The following TCF4 variants were observed in gnomAD, a reference collection of about 807,000 sequenced individuals.
The protein encoded by TCF4 is SL3-3 enhancer factor 2.
TCF4 carries 3 observed loss-of-function variants against 82.1 expected under a neutral mutation model. The observed-to-expected ratio is 0.04, with a 90% CI of 0.02 to 0.09. TCF4 has a LOEUF of 0.09. Among genes scored for constraint, TCF4 ranks in the 10% least tolerant of loss-of-function variants. The pLI is 1.00. For missense variants in TCF4, 518 were observed against 852.7 expected, an observed-to-expected ratio of 0.61 and a Z score of 4.89; for synonymous variants, 276 against 309.6, an observed-to-expected ratio of 0.89 and a Z score of 1.14.
intron 6 of TCF4, among the ~76,000 whole-genome samples, chr18:55,391,811 G>A (rs2093125350): frequency 6.6e-6 from 1 of 150,846 alleles, no homozygotes; most frequent in African/African-American, 2.4e-5. Context: ...GGTGGCACAC[G>A]CCTGTAATCC....
intron 14 of TCF4, among the ~76,000 whole-genome samples, chr18:55,255,593 TG>T (rs1303152719): frequency 7.2e-5 from 11 of 152,182 alleles, no homozygotes; most frequent in Non-Finnish European, 1.3e-4. Context: ...TGATCAATAA[TG>T]ATATCAAATA....
At chr18:55,421,203 C>G (rs1177092402) in intron 5 of TCF4, among the ~76,000 whole-genome samples, 1 of 152,178 alleles carries the variant, frequency 6.6e-6, no homozygotes, top group Non-Finnish European at 1.5e-5. Context: ...TACACACATG[C>G]CTGTGTACAC....
At chr18:55,414,432 A>T (rs1181892211) in intron 5 of TCF4, among the ~76,000 whole-genome samples, 1 of 152,212 alleles carries the variant, frequency 6.6e-6, no homozygotes, top group Non-Finnish European at 1.5e-5. Flanking sequence ...ACAAATTAGA[A>T]AAATTTGCAA....
chr18:55,524,414 C>G (rs772345482), intron 3 of TCF4, among the ~76,000 whole-genome samples: 1 of 151,974 alleles, frequency 6.6e-6, no homozygotes, highest in Non-Finnish European at 1.5e-5. Context: ...AAACATTCTT[C>G]AAACATTAGA....
At chr18:55,394,907 T>A (rs944402296) in intron 6 of TCF4, among the ~76,000 whole-genome samples, 1 of 152,202 alleles carries the variant, frequency 6.6e-6, no homozygotes, top group Admixed American at 6.5e-5. Context: ...GTTATCACTA[T>A]CAGGCACGGC....
rs116121639 is a variant in TCF4, at chr18:55,303,961, A to T, written c.550-24305T>A. Among the ~76,000 whole-genome samples, 1,397 of 152,362 alleles carry T rather than the reference A, an allele frequency of 9.2e-3. 27 individuals are homozygous for T. The highest frequency in any genetic ancestry group is 0.032 in the African/African-American group (1,339 of 41,584). On this transcript the variant is annotated intron_variant, in intron 8 of 19. Coordinates refer to ENST00000354452, the MANE Select transcript of TCF4 (RefSeq NM_001083962.2). ...CTCTTCACTTCCAAAAAAGAAAGAAAGAATCTCATTTTCCTTTCTACGGTG... is the reference window on the plus strand; with the variant it reads ...CTCTTCACTTCCAAAAAAGAAAGAATGAATCTCATTTTCCTTTCTACGGTG...
At chr18:55,622,015 T>TTA (rs2097721403) in intron 2 of TCF4, among the ~76,000 whole-genome samples, 1 of 131,398 alleles carries the variant, frequency 7.6e-6, no homozygotes, top group Non-Finnish European at 1.5e-5. Flanking sequence ...ACTATATATA[T>TTA]TATATACACT....
chr18:55,262,843 G>A (rs2058326992), intron 11 of TCF4, among the ~76,000 whole-genome samples: 2 of 152,184 alleles, frequency 1.3e-5, no homozygotes, highest in African/African-American at 4.8e-5. Flanking sequence ...GTCTTGTTCT[G>A]TTGCCCAGGC....
At chr18:55,497,605 G>C (rs528335266) in intron 3 of TCF4, among the ~76,000 whole-genome samples, 1 of 152,100 alleles carries the variant, frequency 6.6e-6, no homozygotes, top group South Asian at 2.1e-4. Context: ...ATTCAACCTA[G>C]CAGTTATATT....
intron 2 of TCF4, among the ~76,000 whole-genome samples, chr18:55,623,435 T>C (rs2097723498): frequency 6.6e-6 from 1 of 152,214 alleles, no homozygotes; most frequent in Non-Finnish European, 1.5e-5. Context: ...CTTTAGGATA[T>C]GTTTGTAAAT....
chr18:55,538,519 G>C (rs921341462), intron 3 of TCF4, among the ~76,000 whole-genome samples: 2 of 152,192 alleles, frequency 1.3e-5, no homozygotes, highest in African/African-American at 4.8e-5. Context: ...TCCACAGCAG[G>C]AAAGTTTTTA....
chr18:55,547,840 T>C lies in TCF4; in HGVS notation c.145+37440A>G, dbSNP rs373527562. Among the ~76,000 whole-genome samples, 8 of 152,302 alleles carry C rather than the reference T, an allele frequency of 5.3e-5. No homozygotes were observed. The East Asian group carries it at 1.5e-3, about 29-fold the overall frequency. The stretch of plus-strand genomic sequence containing the variant: ...CCATTTTCGCAGTGATTCTGTGATA[T>C]ATAAAAACAAAGATGAGGCCATAAA... On this transcript the variant is annotated intron_variant, in intron 3 of 19. Coordinates refer to ENST00000354452, the MANE Select transcript of TCF4 (RefSeq NM_001083962.2).
At chr18:55,514,762 G>A (rs1298513025) in intron 3 of TCF4, among the ~76,000 whole-genome samples, 1 of 151,894 alleles carries the variant, frequency 6.6e-6, no homozygotes, top group Non-Finnish European at 1.5e-5. Context: ...TTAATAAAAG[G>A]AGCACACGTA....
intron 3 of TCF4, among the ~76,000 whole-genome samples, chr18:55,536,765 T>C (rs1010196013): frequency 2.6e-5 from 4 of 152,232 alleles, no homozygotes; most frequent in South Asian, 4.1e-4. Context: ...TAAAACTGAA[T>C]AAATTTGCTC....
intron 2 of TCF4, among the ~76,000 whole-genome samples, chr18:55,619,011 T>G (rs952699596): frequency 6.6e-6 from 1 of 152,136 alleles, no homozygotes; most frequent in African/African-American, 2.4e-5. Flanking sequence ...ATCAGAGCAG[T>G]GCTGGATTCA....
At chr18:55,353,204 T>G (rs2082674214) in intron 6 of TCF4, among the ~76,000 whole-genome samples, 1 of 152,186 alleles carries the variant, frequency 6.6e-6, no homozygotes, top group African/African-American at 2.4e-5. Context: ...CTATACTGTC[T>G]TTTAGCAGCA....
At chr18:55,230,391 C>T (rs1209871966) in intron 17 of TCF4, 1 of 152,108 alleles carries the variant, frequency 6.6e-6, no homozygotes, top group East Asian at 1.9e-4. Context: ...TTCAAATATT[C>T]CAAGGGCTGT....
At position 55,588,099 on chromosome 18, in the gene TCF4, A is replaced by ACCG. The variant is rs1484342037; in HGVS notation, c.-85_-83dup. 1.1e-5 allele frequency: 11 copies of ACCG among 1,018,756 alleles called. No homozygotes were observed. Among genetic ancestry groups the ACCG allele is most frequent in the Non-Finnish European group, 1.2e-5 (10 of 856,938 alleles). 63.1% of individuals were successfully genotyped at this position (1,018,756 alleles called of 1,614,324 possible). On this transcript the variant is annotated 5_prime_UTR_variant, in exon 1 of 20. Coordinates refer to ENST00000354452, the MANE Select transcript of TCF4 (RefSeq NM_001083962.2). Reference sequence around the variant, plus strand: ...GGCGCCGAGGCGGCGTTCATGTCTAACCGCCGCCGCCACCGCCGCCGCCTG... The same window carrying ACCG: ...GGCGCCGAGGCGGCGTTCATGTCTAACCGCCGCCGCCGCCACCGCCGCCGCCTG...
chr18:55,314,115 G>C (rs138310629), intron 8 of TCF4, among the ~76,000 whole-genome samples: 1 of 152,072 alleles, frequency 6.6e-6, no homozygotes, highest in African/African-American at 2.4e-5. Flanking sequence ...ATTTCAAAGC[G>C]ACATGAAAAA....
Sources: gnomAD v4.1 joint callset for allele counts (sites outside exome capture counted in the v4.1 genomes callset) on GRCh38, gnomAD v4.1.1 for gene constraint, MANE v1.5 for transcripts, NCBI Gene and HGNC (gene_info 2026-07-23, HGNC 2026-07-21) for gene names.